Variants in RALYL observed in about 807,000 individuals in gnomAD.
RALYL encodes the protein RNA-binding Raly-like protein.
A neutral mutation model predicts 35.1 loss-of-function variants in RALYL; 29 were observed. The observed-to-expected ratio is 0.83, with a 90% CI of 0.61 to 1.13. The LOEUF (loss-of-function observed/expected upper bound fraction) is 1.13. Ranked by LOEUF, RALYL falls within the 50% of genes most tolerant of loss-of-function variation. RALYL has a pLI of 0.00. For missense variants in RALYL, 359 were observed against 360.4 expected (o/e 1.00, Z 0.03); for synonymous variants, 120 against 127.6 (o/e 0.94, Z 0.40).
chr8:84,834,732 C>T (rs902872942), intron 4 of RALYL, among the ~76,000 whole-genome samples: 3 of 152,112 alleles, frequency 2.0e-5, no homozygotes, highest in Admixed American at 6.6e-5. Context: ...AACCCAATAT[C>T]GCAATTGTAA....
intron 1 of RALYL, among the ~76,000 whole-genome samples, chr8:84,416,776 A>C (rs995370684): frequency 1.3e-5 from 2 of 152,204 alleles, no homozygotes; most frequent in African/African-American, 2.4e-5. Flanking sequence ...TCCTAAATGC[A>C]TTCTAGTTTG....
intron 1 of RALYL, among the ~76,000 whole-genome samples, chr8:84,264,748 C>A (rs4392892): frequency 0.68 from 103,187 of 152,066 alleles, 36,300 homozygotes; most frequent in African/African-American, 0.87. Flanking sequence ...AAAACTCATG[C>A]AATATGTGAG....
chr8:84,507,966 ACATAT>A (rs1401027436), intron 1 of RALYL, among the ~76,000 whole-genome samples: 2 of 152,162 alleles, frequency 1.3e-5, no homozygotes, highest in Admixed American at 1.3e-4. Flanking sequence ...TAAATGACTG[ACATAT>A]CTAAGCGTCT....
chr8:84,428,102 T>TCACACACACACACACA (rs1364681176), intron 1 of RALYL, among the ~76,000 whole-genome samples: 1 of 131,162 alleles, frequency 7.6e-6, no homozygotes, highest in Non-Finnish European at 1.6e-5. Flanking sequence ...TCTCTCTCTC[T>TCACACACACACACACA]CTCTCACACA....
At chr8:84,799,564 T>C (rs1822717208) in intron 3 of RALYL, among the ~76,000 whole-genome samples, 1 of 152,226 alleles carries the variant, frequency 6.6e-6, no homozygotes, top group Non-Finnish European at 1.5e-5. Context: ...GAAATGTTGT[T>C]GGAAAGGAGT....
chr8:84,768,449 T>C (rs1814630533), intron 2 of RALYL, among the ~76,000 whole-genome samples: 2 of 152,216 alleles, frequency 1.3e-5, no homozygotes. Flanking sequence ...GAATCCTTTC[T>C]GCCCCTTTCA....
chr8:84,732,199 T>G (rs957982112), intron 2 of RALYL, among the ~76,000 whole-genome samples: 2 of 152,140 alleles, frequency 1.3e-5, no homozygotes, highest in African/African-American at 4.8e-5. Flanking sequence ...AAAAGCACCA[T>G]GAGGAAGATA....
At chr8:84,228,108 T>A (rs1285733989) in intron 1 of RALYL, among the ~76,000 whole-genome samples, 1 of 149,666 alleles carries the variant, frequency 6.7e-6, no homozygotes, top group Non-Finnish European at 1.5e-5. Context: ...GTGAAATTCC[T>A]TTGTCCCAAA....
At chr8:84,815,706 T>C (rs1199227365) in intron 4 of RALYL, among the ~76,000 whole-genome samples, 1 of 151,922 alleles carries the variant, frequency 6.6e-6, no homozygotes, top group Admixed American at 6.6e-5. Context: ...ATCTTGGAAA[T>C]AAGCTGAGAG....
At chr8:84,829,378 A>T (rs2134357186) in intron 4 of RALYL, 1 of 153,440 alleles carries the variant, frequency 6.5e-6, no homozygotes, top group South Asian at 2.0e-4. Context: ...GCCTTCTGGG[A>T]GATGTGTTGG....
At chr8:84,274,477 A>G (rs889478055) in intron 1 of RALYL, among the ~76,000 whole-genome samples, 1 of 152,168 alleles carries the variant, frequency 6.6e-6, no homozygotes, top group African/African-American at 2.4e-5. Context: ...TTCTTAGGTA[A>G]TGTACCTAAG....
At chr8:84,385,559 A>C (rs1229962604) in intron 1 of RALYL, among the ~76,000 whole-genome samples, 1 of 151,818 alleles carries the variant, frequency 6.6e-6, no homozygotes, top group Non-Finnish European at 1.5e-5. Context: ...TCTTGGGTGT[A>C]AAAGCCACAT....
chr8:84,461,596 A>G (rs2050772888), intron 1 of RALYL, among the ~76,000 whole-genome samples: 1 of 151,742 alleles, frequency 6.6e-6, no homozygotes, highest in Admixed American at 6.6e-5. Context: ...CTTCTGAAAC[A>G]TGTCTGTTTT....
chr8:84,749,095 G>A (rs1410467772), intron 2 of RALYL, among the ~76,000 whole-genome samples: 1 of 151,948 alleles, frequency 6.6e-6, no homozygotes, highest in Non-Finnish European at 1.5e-5. Context: ...GTACTAAAGT[G>A]TTTAAAAAAA....
intron 3 of RALYL, among the ~76,000 whole-genome samples, chr8:84,774,861 A>C (rs766192304): frequency 3.3e-5 from 5 of 152,226 alleles, no homozygotes; most frequent in Non-Finnish European, 7.3e-5. Context: ...CTGCTTATAC[A>C]ACCCTTCTAC....
intron 1 of RALYL, among the ~76,000 whole-genome samples, chr8:84,441,432 G>T (rs1005377825): frequency 6.6e-6 from 1 of 152,114 alleles, no homozygotes; most frequent in African/African-American, 2.4e-5. Flanking sequence ...TTGCTGATTG[G>T]TGAATAAGGA....
intron 1 of RALYL, among the ~76,000 whole-genome samples, chr8:84,448,515 G>A (rs1340343024): frequency 9.9e-5 from 15 of 151,976 alleles, no homozygotes; most frequent in Admixed American, 9.8e-4. Context: ...GAGAGGTGAT[G>A]AAAAACCTTC....
At chr8:84,708,746 G>A (rs189218826) in intron 2 of RALYL, among the ~76,000 whole-genome samples, 5 of 152,194 alleles carry the variant, frequency 3.3e-5, no homozygotes, top group African/African-American at 1.2e-4. Flanking sequence ...AGGAAAACCT[G>A]TAACCTCCCT....
At chr8:84,730,017 T>C (rs1236572629) in intron 2 of RALYL, among the ~76,000 whole-genome samples, 2 of 152,102 alleles carry the variant, frequency 1.3e-5, no homozygotes, top group African/African-American at 2.4e-5. Flanking sequence ...AGAGGGAATC[T>C]TCCCTAACTC....
Sources: gnomAD v4.1 joint callset for allele counts (sites outside exome capture counted in the v4.1 genomes callset) on GRCh38, gnomAD v4.1.1 for gene constraint, MANE v1.5 for transcripts, NCBI Gene and HGNC (gene_info 2026-07-23, HGNC 2026-07-21) for gene names.